FGD4: variants seen among roughly 807,000 people sequenced by gnomAD.
FGD4 encodes the protein FYVE, RhoGEF and PH domain-containing protein 4.
Under a neutral mutation model 102.0 loss-of-function variants are expected in FGD4, and 42 were observed. The observed-to-expected ratio is 0.41, with a 90% CI of 0.32 to 0.53. The LOEUF (loss-of-function observed/expected upper bound fraction) is 0.53. FGD4 is among the 20% of genes least tolerant of loss of function. The pLI is 0.21. For missense variants in FGD4, 902 were observed against 1,078.2 expected (o/e 0.84, Z 2.29); for synonymous variants, 380 against 375.7 (o/e 1.01, Z -0.13).
chr12:32,480,447 C>T (rs892863747), intron 1 of FGD4, among the ~76,000 whole-genome samples: 4 of 151,990 alleles, frequency 2.6e-5, no homozygotes, highest in East Asian at 1.9e-4. Flanking sequence ...CAGGTGTGAG[C>T]CACAACGCCC....
chr12:32,589,361 T>C (rs7962088), intron 4 of FGD4, among the ~76,000 whole-genome samples: 43,906 of 152,088 alleles, frequency 0.29, 6,658 homozygotes, highest in Middle Eastern at 0.49. Flanking sequence ...CTTTTTTAAC[T>C]TAGGGTTCCT....
chr12:32,596,373 T>G (rs1476239041), intron 4 of FGD4, among the ~76,000 whole-genome samples: 1 of 152,138 alleles, frequency 6.6e-6, no homozygotes, highest in Non-Finnish European at 1.5e-5. Context: ...GGTTTAGAGA[T>G]AACCAGGGAC....
intron 1 of FGD4, among the ~76,000 whole-genome samples, chr12:32,438,935 G>A (rs1036788307): frequency 3.9e-5 from 6 of 152,128 alleles, no homozygotes; most frequent in African/African-American, 9.7e-5. Context: ...ATATGAATAC[G>A]TTGTGGAATG....
chr12:32,415,678 C>T (rs535413125), intron 1 of FGD4, among the ~76,000 whole-genome samples: 18 of 152,246 alleles, frequency 1.2e-4, no homozygotes, highest in Middle Eastern at 3.4e-3. Context: ...GCATTGGCCT[C>T]CCAAATGCGG....
rs539142097 is a variant in FGD4 at position 32,581,771 on chromosome 12, A to G, written c.504-189A>G. On this transcript the variant is annotated intron_variant, in intron 3 of 16. Transcript: ENST00000534526. ...GGTCATCTTCTTTATTTAAATCTTT[A>G]TTTAAATGTGGATAGCATCCCAAGA... 2.0e-5 allele frequency among the ~76,000 whole-genome samples: 3 copies of G among 152,286 alleles called. No individual in the cohort carries two copies. In the South Asian group the frequency reaches 6.2e-4, roughly 32 times the overall value.
intron 1 of FGD4, among the ~76,000 whole-genome samples, chr12:32,419,666 A>C (rs1029758983): frequency 1.6e-4 from 24 of 152,160 alleles, no homozygotes; most frequent in African/African-American, 5.8e-4. Flanking sequence ...CTTGTGGCCT[A>C]ACCTGCCCCT....
chr12:32,636,011 CTAATAA>C (rs147444731), intron 15 of FGD4, among the ~76,000 whole-genome samples: 8,409 of 146,738 alleles, frequency 0.057, 728 homozygotes, highest in African/African-American at 0.19. Context: ...GACTCTGTCT[CTAATAA>C]TAATAATAAT....
chr12:32,602,171 C>T lies in FGD4; in HGVS notation c.1258C>T (p.Pro420Ser), dbSNP rs777580511. 8.7e-6 allele frequency: 14 copies of T among 1,613,820 alleles called. No individual in the cohort carries two copies. Among genetic ancestry groups the T allele is most frequent in the African/African-American group, 1.3e-5 (1 of 74,870 alleles). The change falls in exon 7 of 17, where the codon CCT becomes TCT. Residue 420 changes from proline (P) to serine (S), a missense_variant. Physicochemically the swap from Pro to Ser is moderately conservative, Grantham distance 74. This residue lies in a region of FGD4 where 459 missense variants were observed against 619.0 expected (regional missense o/e 0.74). Coordinates refer to ENST00000534526, the MANE Select transcript of FGD4 (RefSeq NM_001370298.3). ...CTATATTTGATACAGGGAAACTACT[C>T]CTAGAATTGGAGACATCCTTCAGAA... is the stretch of plus-strand genomic sequence containing the variant. ...EKRMQEWETT[P>S]RIGDILQKLA...
At chr12:32,571,839 A>G (rs1945693527) in intron 2 of FGD4, among the ~76,000 whole-genome samples, 1 of 152,168 alleles carries the variant, frequency 6.6e-6, no homozygotes, top group South Asian at 2.1e-4. Flanking sequence ...GCTGGAATCT[A>G]GGCTGCATAG....
chr12:32,451,834 CAAAAAAAAAA>C lies in FGD4; in HGVS notation c.166+51896_166+51905del, dbSNP rs60760923. Among the ~76,000 whole-genome samples the C allele has an allele frequency of 4.5e-3, 108 of 24,154 alleles. 1 individual carries two copies. Among genetic ancestry groups the C allele is most frequent in the Middle Eastern group, 0.071 (1 of 14 alleles). The allele number at this position is 24,154 out of a possible 152,430, so 15.8% of individuals were successfully genotyped here. On this transcript the variant is annotated intron_variant, in intron 1 of 16. Coordinates refer to ENST00000534526, the MANE Select transcript of FGD4 (RefSeq NM_001370298.3). ...GGGCAACAAAAGCGAAACTCCATCT[CAAAAAAAAAA>C]AAAAAAAAAAAAAAAAAAAAGTAAG...
intron 9 of FGD4, 61 bp downstream of exon 9, chr12:32,610,895 C>T: frequency 6.6e-7 from 1 of 1,526,700 alleles, no homozygotes. Flanking sequence ...AATACTGCCT[C>T]AATACTATGT....
At chr12:32,417,122 C>T (rs1040366100) in intron 1 of FGD4, among the ~76,000 whole-genome samples, 3 of 152,062 alleles carry the variant, frequency 2.0e-5, no homozygotes, top group Admixed American at 2.0e-4. Flanking sequence ...TCTCAAACGC[C>T]TGACCTCGTG....
chr12:32,433,561 T>G (rs1942124125), intron 1 of FGD4, among the ~76,000 whole-genome samples: 1 of 152,036 alleles, frequency 6.6e-6, no homozygotes. Flanking sequence ...GGTCTTGAAC[T>G]CCTGACCTCA....
At chr12:32,600,855 A>G (rs1379120147) in intron 5 of FGD4, among the ~76,000 whole-genome samples, 1 of 152,110 alleles carries the variant, frequency 6.6e-6, no homozygotes, top group Admixed American at 6.5e-5. Flanking sequence ...GCAAACTACA[A>G]TAAAGGGAAA....
intron 1 of FGD4, among the ~76,000 whole-genome samples, chr12:32,530,863 TG>T (rs1941717445): frequency 6.6e-6 from 1 of 151,010 alleles, no homozygotes; most frequent in Non-Finnish European, 1.5e-5. Context: ...CTGTTGACAA[TG>T]AGGAGCATAG....
intron 1 of FGD4, among the ~76,000 whole-genome samples, chr12:32,503,719 T>C (rs1938432314): frequency 6.6e-6 from 1 of 152,226 alleles, no homozygotes; most frequent in Admixed American, 6.5e-5. Context: ...TTCCTTAGCA[T>C]AATCTAAAAA....
chr12:32,524,872 A>G (rs115648444), intron 1 of FGD4, among the ~76,000 whole-genome samples: 133 of 152,316 alleles, frequency 8.7e-4, no homozygotes, highest in African/African-American at 3.0e-3. Context: ...TTTAAAAATG[A>G]CTAATAAACA....
At chr12:32,528,447 G>A (rs1335100158) in intron 1 of FGD4, among the ~76,000 whole-genome samples, 1 of 152,036 alleles carries the variant, frequency 6.6e-6, no homozygotes, top group African/African-American at 2.4e-5. Context: ...GGAGTGCAGT[G>A]GCATAATCTC....
intron 1 of FGD4, among the ~76,000 whole-genome samples, chr12:32,452,907 G>C (rs1324243271): frequency 2.0e-5 from 3 of 151,864 alleles, no homozygotes; most frequent in Non-Finnish European, 4.4e-5. Flanking sequence ...GAGATGGCTT[G>C]AGCCTAGCAG....
Sources: gnomAD v4.1 joint callset for allele counts (sites outside exome capture counted in the v4.1 genomes callset) on GRCh38, gnomAD v4.1.1 for gene constraint, gnomAD v4.1.1 regional missense constraint, MANE v1.5 for transcripts, NCBI Gene and HGNC (gene_info 2026-07-23, HGNC 2026-07-21) for gene names.